The following MFSD8 variants were observed in gnomAD, a reference collection of about 807,000 sequenced individuals.
MFSD8 encodes the protein major facilitator superfamily domain containing 8.
In MFSD8, 55 loss-of-function variants were observed where a neutral mutation model predicts 66.4. That is an observed-to-expected ratio of 0.83 (90% CI 0.67 to 1.04). MFSD8 has a LOEUF of 1.04. MFSD8 is among the 50% of genes least tolerant of loss of function. MFSD8 has a pLI of 0.00. For synonymous variants in MFSD8, 202 were observed against 212.8 expected, an observed-to-expected ratio of 0.95 and a Z score of 0.44; for missense variants, 550 against 627.6, an observed-to-expected ratio of 0.88 and a Z score of 1.32.
chr4:127,946,215 C>T (rs567611117), intron 3 of MFSD8, among the ~76,000 whole-genome samples: 2 of 152,248 alleles, frequency 1.3e-5, no homozygotes, highest in South Asian at 4.1e-4. Context: ...ACGTGAGTCA[C>T]AGCACTGGGC....
At chr4:127,955,539 CAAA>C (rs34570244) in intron 2 of MFSD8, among the ~76,000 whole-genome samples, 13 of 102,566 alleles carry the variant, frequency 1.3e-4, no homozygotes, top group South Asian at 3.4e-4. Flanking sequence ...GACTTTGTCT[CAAA>C]AAAAAAAAAA....
chr4:127,957,601 A>G lies in MFSD8; in HGVS notation c.63-9T>C, dbSNP rs754893282. 21 of 1,554,978 alleles carry G rather than the reference A, an allele frequency of 1.4e-5. No homozygotes were observed. Among genetic ancestry groups the G allele is most frequent in the Non-Finnish European group, 1.8e-5 (20 of 1,128,596 alleles). Reference sequence around the variant, plus strand: ...CTAAAATGTCCCATTCTCTAGGTGTAAAGAAGAAAAAAGTAGTATAAATTT... The same window carrying G: ...CTAAAATGTCCCATTCTCTAGGTGTGAAGAAGAAAAAAGTAGTATAAATTT... On this transcript the variant is annotated splice_polypyrimidine_tract_variant and intron_variant, in intron 1 of 11. Transcript: ENST00000641686.
intron 4 of MFSD8, among the ~76,000 whole-genome samples, chr4:127,942,680 A>C (rs1043487657): frequency 6.6e-6 from 1 of 152,010 alleles, no homozygotes; most frequent in East Asian, 1.9e-4. Context: ...AAAAAAAAAA[A>C]GAATATCAAA....
chr4:127,957,617 G>C, intron 1 of MFSD8, 25 bp from the exon 2 acceptor site: 1 of 1,499,088 alleles, frequency 6.7e-7, no homozygotes. Context: ...GAAAAAAGTA[G>C]TATAAATTTA....
chr4:127,954,526 G>A (rs1742537615), intron 2 of MFSD8, among the ~76,000 whole-genome samples: 1 of 152,170 alleles, frequency 6.6e-6, no homozygotes, highest in Non-Finnish European at 1.5e-5. Flanking sequence ...TGAGGCACAA[G>A]CATAGCTTGA....
At chr4:127,933,235 T>A in intron 7 of MFSD8, 142 bp from the exon 8 acceptor site, 1 of 647,974 alleles carries the variant, frequency 1.5e-6, no homozygotes, top group Non-Finnish European at 2.7e-6. Context: ...AGTTTAATAA[T>A]AAGAGAATTT....
In MFSD8 at chr4:127,918,661, C is replaced by G. The variant is rs547746685; in HGVS notation, c.*1969G>C. 2 of 152,264 alleles carry G rather than the reference C, an allele frequency of 1.3e-5. No homozygotes were observed. Among genetic ancestry groups the G allele is most frequent in the South Asian group, 4.1e-4 (2 of 4,832 alleles). The allele number at this position is 152,264 out of a possible 1,614,324, so 9.4% of individuals were successfully genotyped here. On this transcript the variant is annotated 3_prime_UTR_variant, in exon 12 of 12. Coordinates refer to ENST00000641686, the MANE Select transcript of MFSD8 (RefSeq NM_001371596.2). ...GGATATTTTCCTCACTATGAAAAAT[C>G]AAGTGGTTAAGACTGTGGACTTTAA...
At chr4:127,925,120 A>C (rs1736977600) in intron 9 of MFSD8, among the ~76,000 whole-genome samples, 2 of 152,224 alleles carry the variant, frequency 1.3e-5, no homozygotes. Flanking sequence ...TAAACATAGG[A>C]CCTAAAACCA....
At chr4:127,932,729 C>T (rs908117648) in intron 8 of MFSD8, 2 of 332,014 alleles carry the variant, frequency 6.0e-6, no homozygotes, top group Non-Finnish European at 1.1e-5. Context: ...TATCATAAAA[C>T]TCAGATGAAA....
chr4:127,936,968 C>T (rs1739185715), intron 7 of MFSD8, among the ~76,000 whole-genome samples: 1 of 152,190 alleles, frequency 6.6e-6, no homozygotes. Context: ...CTGATAGCTC[C>T]TTGAAGTTAG....
At chr4:127,961,126 A>G (rs543060529) in intron 1 of MFSD8, among the ~76,000 whole-genome samples, 54 of 152,268 alleles carry the variant, frequency 3.5e-4, no homozygotes, top group African/African-American at 1.3e-3. Context: ...ATAATAATCA[A>G]CCTTGTTAGT....
intron 1 of MFSD8, among the ~76,000 whole-genome samples, chr4:127,959,031 G>A (rs1004483447): frequency 6.6e-6 from 1 of 152,170 alleles, no homozygotes; most frequent in Non-Finnish European, 1.5e-5. Context: ...AATGGAACAT[G>A]AACCTTTATA....
Position 127,930,813 on chromosome 4 carries a change from T to C in MFSD8, c.868A>G (p.Ile290Val), listed in dbSNP as rs1268603914. The change falls in exon 9 of 12, where the codon ATT (isoleucine) becomes GTT (valine). Residue 290 changes from isoleucine to valine, a missense_variant. Coordinates refer to ENST00000641686, the MANE Select transcript of MFSD8 (RefSeq NM_001371596.2). ...TACATATCCATTGTTAATGGAGTAATGATGCTAAGAAAAAAAAAATTATTC... is the reference window on the plus strand; with the variant it reads ...TACATATCCATTGTTAATGGAGTAACGATGCTAAGAAAAAAAAAATTATTC... ...LFIFALFETI[I>V]TPLTMDMYAW... 2 of 1,606,970 alleles carry C rather than the reference T, an allele frequency of 1.2e-6. No homozygotes were observed. Among genetic ancestry groups the C allele is most frequent in the East Asian group, 4.5e-5 (2 of 44,702 alleles).
chr4:127,924,759 A>G (rs1736913477), intron 9 of MFSD8, among the ~76,000 whole-genome samples: 1 of 152,172 alleles, frequency 6.6e-6, no homozygotes, highest in Non-Finnish European at 1.5e-5. Context: ...TTCATACGGA[A>G]CCAAAACAGA....
chr4:127,937,262 G>T (rs920824914), intron 7 of MFSD8, among the ~76,000 whole-genome samples: 2 of 152,128 alleles, frequency 1.3e-5, no homozygotes, highest in Non-Finnish European at 2.9e-5. Context: ...TTGTTCTAGA[G>T]TAACAGCATA....
intron 2 of MFSD8, among the ~76,000 whole-genome samples, chr4:127,957,065 A>G (rs1292002898): frequency 1.3e-5 from 2 of 152,236 alleles, no homozygotes; most frequent in African/African-American, 2.4e-5. Flanking sequence ...CCTAGAATAC[A>G]TATAATGAAC....
At position 127,943,951 on chromosome 4, in the gene MFSD8, A is replaced by G. The variant is rs1578912301; in HGVS notation, c.240T>C (p.Ile80=). 2.5e-6 allele frequency: 4 copies of G among 1,614,224 alleles called. No homozygotes were observed. ...CCATTTGGCCAAGACTATATGAAGC[A>G]ATAACCCAGCCCAAAAAACTTGTAT... The part of the protein sequence containing the change: ...TADTSFLGWV[I]ASYSLGQMVA... The change falls in exon 4 of 12, where the codon ATT becomes ATC. Residue 80 remains isoleucine, a synonymous_variant. Transcript: ENST00000641686.
intron 2 of MFSD8, among the ~76,000 whole-genome samples, chr4:127,956,583 C>T (rs998073717): frequency 1.3e-5 from 2 of 151,224 alleles, no homozygotes. Flanking sequence ...CTTTGGGAGG[C>T]CGAGGTGGGC....
At chr4:127,951,882 C>T (rs935092809) in intron 2 of MFSD8, among the ~76,000 whole-genome samples, 3 of 151,710 alleles carry the variant, frequency 2.0e-5, no homozygotes, top group Non-Finnish European at 2.9e-5. Context: ...GCACGTGCCA[C>T]CACACCCAGC....
Sources: gnomAD v4.1 joint callset for allele counts (sites outside exome capture counted in the v4.1 genomes callset) on GRCh38, gnomAD v4.1.1 for gene constraint, MANE v1.5 for transcripts, NCBI Gene and HGNC (gene_info 2026-07-23, HGNC 2026-07-21) for gene names.